The following PARP9 variants were observed in gnomAD, a reference collection of about 807,000 sequenced individuals.
The protein encoded by PARP9 is protein mono-ADP-ribosyltransferase PARP9.
In PARP9, 48 loss-of-function variants were observed where a neutral mutation model predicts 68.8. That is an observed-to-expected ratio of 0.70 (90% confidence interval 0.55 to 0.89). The LOEUF is 0.89. Ranked by LOEUF, PARP9 falls within the 40% of genes least tolerant of loss-of-function variation. PARP9 has a pLI of 0.00. For synonymous variants in PARP9, 309 were observed against 333.8 expected, an observed-to-expected ratio of 0.93 and a Z score of 0.81; for missense variants, 806 against 969.3, an observed-to-expected ratio of 0.83 and a Z score of 2.24.
chr3:122,544,541 G>A (rs898143833), intron 7 of PARP9, among the ~76,000 whole-genome samples: 2 of 152,048 alleles, frequency 1.3e-5, no homozygotes, highest in South Asian at 2.1e-4. Context: ...TCCACTAAAA[G>A]AATGATGTTA....
At position 122,562,303 on chromosome 3, in the gene PARP9, C is replaced by T. The variant is rs535625321; in HGVS notation, c.-90+1942G>A. ...GTTCACGCCATTCTGCTGCCTCAGC[C>T]TCCCTAGTAGCTGGGACTACAGGCG... On this transcript the variant is annotated intron_variant, in intron 1 of 10. Coordinates refer to ENST00000682323, the MANE Select transcript of PARP9 (RefSeq NM_001146105.2). Among the ~76,000 whole-genome samples the T allele has an allele frequency of 8.5e-5, 13 of 152,094 alleles. No individual in the cohort carries two copies. The South Asian group carries it at 2.7e-3, about 32-fold the overall frequency.
At chr3:122,541,838 G>A (rs1172406739) in intron 7 of PARP9, among the ~76,000 whole-genome samples, 1 of 152,186 alleles carries the variant, frequency 6.6e-6, no homozygotes, top group Non-Finnish European at 1.5e-5. Flanking sequence ...TCTGACTCCA[G>A]TGCTCCCACA....
intron 7 of PARP9, among the ~76,000 whole-genome samples, chr3:122,543,287 G>GT (rs199591270): frequency 2.9e-4 from 43 of 148,862 alleles, no homozygotes; most frequent in South Asian, 8.6e-4. Context: ...TTTGTTTTTT[G>GT]TTTTTTTTTG....
rs1333703160 is a variant in PARP9 at position 122,528,699 on chromosome 3, T to G, written c.2125A>C (p.Asn709His). 6.2e-7 allele frequency: 1 copy of G among 1,613,856 alleles called. No individual in the cohort carries two copies. The highest frequency in any genetic ancestry group is 8.5e-7 in the Non-Finnish European group (1 of 1,179,820). Residue 709 changes from asparagine (N) to histidine (H), a missense_variant, in exon 11 of 11, where the codon AAC (asparagine) becomes CAC (histidine). Transcript: ENST00000682323. Reference sequence around the variant, plus strand: ...ATTTTCTTGGCCTTCTCTGCCAGGTTTTTGAGGTTCTTGGTGAAGTATATG... The same window carrying G: ...ATTTTCTTGGCCTTCTCTGCCAGGTGTTTGAGGTTCTTGGTGAAGTATATG... ...AGIYFTKNLK[N>H]LAEKAKKISA...
intron 3 of PARP9, chr3:122,558,197 G>T (rs1559877827): frequency 4.3e-6 from 5 of 1,173,724 alleles, no homozygotes; most frequent in Non-Finnish European, 4.7e-6. Context: ...ATAGGCTGTC[G>T]TTAAAAGAGT....
Position 122,562,156 on chromosome 3 carries a change from CTCTTTTCTTTTCTTTTCTTTTCTTT to C in PARP9, c.-90+2064_-90+2088del, listed in dbSNP as rs11276615. 4.6e-3 allele frequency among the ~76,000 whole-genome samples: 651 copies of C among 141,272 alleles called. 4 individuals are homozygous for C. Among genetic ancestry groups the C allele is most frequent in the African/African-American group, 0.015 (551 of 37,372 alleles). The allele number at this position is 141,272 out of a possible 152,430, so 92.7% of individuals were successfully genotyped here. A position where few individuals can be genotyped will look rare whatever the true frequency, so the allele number is the denominator to read the frequency against. Reference sequence around the variant, plus strand: ...CTTTTGCCTGAGCTGTGGCAATATACTCTTTTCTTTTCTTTTCTTTTCTTTTCTTTTCTTTTCTTTTCTTTTCTTT... The same window carrying C: ...CTTTTGCCTGAGCTGTGGCAATATACTCTTTTCTTTTCTTTTCTTTTCTTT... On this transcript the variant is annotated intron_variant, in intron 1 of 10. Transcript: ENST00000682323.
intron 8 of PARP9, among the ~76,000 whole-genome samples, chr3:122,538,441 C>T (rs1220665485): frequency 3.9e-5 from 6 of 152,152 alleles, no homozygotes; most frequent in Non-Finnish European, 5.9e-5. Context: ...ATAATGATAA[C>T]TCATCTCAAA....
chr3:122,544,220 C>T (rs1364990006), intron 7 of PARP9, among the ~76,000 whole-genome samples: 2 of 152,142 alleles, frequency 1.3e-5, no homozygotes, highest in African/African-American at 2.4e-5. Flanking sequence ...AGCTTAGAAC[C>T]ATCTCATTCA....
chr3:122,552,381 A>G lies in PARP9; in HGVS notation c.1107+37T>C, dbSNP rs752772310. 1.2e-5 allele frequency: 17 copies of G among 1,453,016 alleles called. No homozygotes were observed. The East Asian group carries it at 3.7e-4, about 31-fold the overall frequency. 90.0% of individuals were successfully genotyped at this position (1,453,016 alleles called of 1,614,324 possible). A position where few individuals can be genotyped will look rare whatever the true frequency, so the allele number is the denominator to read the frequency against. The stretch of plus-strand genomic sequence containing the variant: ...TTAAAAAAAAAAGACTGTATAGACT[A>G]TGGAGCTAAATAAAGCCACATTTAT... On this transcript the variant is annotated intron_variant, in intron 5 of 10. Transcript: ENST00000682323.
At chr3:122,533,527 G>T in intron 10 of PARP9, 1 of 294,826 alleles carries the variant, frequency 3.4e-6, no homozygotes, top group Non-Finnish European at 5.0e-6. Flanking sequence ...CATCGTAGAG[G>T]AAAAAAGAGA....
intron 8 of PARP9, among the ~76,000 whole-genome samples, chr3:122,539,509 T>C (rs566361226): frequency 8.4e-4 from 13 of 15,514 alleles, no homozygotes; most frequent in African/African-American, 3.1e-3. Flanking sequence ...AAGATGGCAT[T>C]TCTTTCTTTC....
In PARP9 at chr3:122,533,581, T is replaced by C. The variant is rs78429050; in HGVS notation, c.2080+2587A>G. 0.15 allele frequency: 94,960 copies of C among 645,464 alleles called. 7,544 individuals are homozygous for C. Among genetic ancestry groups the C allele is most frequent in the East Asian group, 0.33 (2,374 of 7,182 alleles). 40.0% of individuals were successfully genotyped at this position (645,464 alleles called of 1,614,324 possible). On this transcript the variant is annotated intron_variant, in intron 10 of 10. Coordinates refer to ENST00000682323, the MANE Select transcript of PARP9 (RefSeq NM_001146105.2). ...ACAGGTGAACTCGTGAGATTATAAA[T>C]TGTAAGGGCAAGAACTCTATGGTTT...
At chr3:122,561,993 C>T (rs1013599279) in intron 1 of PARP9, among the ~76,000 whole-genome samples, 2 of 151,376 alleles carry the variant, frequency 1.3e-5, no homozygotes, top group Non-Finnish European at 2.9e-5. Flanking sequence ...ATACCATTTA[C>T]GTACTCAAAT....
At position 122,536,173 on chromosome 3, in the gene PARP9, G is replaced by A. The variant is rs1198330092; in HGVS notation, c.2075C>T (p.Pro692Leu). The change falls in exon 10 of 11, where the codon CCT (proline) becomes CTT (leucine). Residue 692 changes from proline (P) to leucine (L), a missense_variant. Pro to Leu is a moderately conservative substitution (Grantham distance 98, BLOSUM62 -3). Around this residue, in one of 2 missense-constraint regions of PARP9, gnomAD observed 680 missense variants for 858.8 expected, o/e 0.79. Transcript: ENST00000682323. ...GATGAGGCATTGACACCTACCGCAA[G>A]GTGTCGAGTACATTCTTTGAAAGCC... ...RVGFQRMYST[P>L]CDPKYGAGIY... is the part of the protein sequence containing the mutation. The A allele has an allele frequency of 6.2e-7, 1 of 1,614,100 alleles. No homozygotes were observed. The highest frequency in any genetic ancestry group is 1.7e-5 in the Admixed American group (1 of 60,016).
intron 10 of PARP9, chr3:122,533,957 GGTGTCTC>G (rs2077471762): frequency 1.0e-6 from 1 of 985,334 alleles, no homozygotes; most frequent in Non-Finnish European, 1.2e-6. Flanking sequence ...TAGCAAGATT[GGTGTCTC>G]CTGGGCTTGT....
intron 6 of PARP9, among the ~76,000 whole-genome samples, chr3:122,547,588 C>T (rs1282981450): frequency 6.6e-6 from 1 of 152,030 alleles, no homozygotes; most frequent in Non-Finnish European, 1.5e-5. Context: ...CACGGTGGCT[C>T]ACGTCTGTAA....
intron 10 of PARP9, among the ~76,000 whole-genome samples, chr3:122,529,042 G>A (rs1165002995): frequency 6.6e-6 from 1 of 151,664 alleles, no homozygotes; most frequent in African/African-American, 2.4e-5. Flanking sequence ...GAGGTCAGAA[G>A]CCTGGCCAAC....
At chr3:122,539,507 A>ACTTCTTTCTTTCTTTCTTTCTTTCTTTC (rs1553714536) in intron 8 of PARP9, among the ~76,000 whole-genome samples, 1 of 133,162 alleles carries the variant, frequency 7.5e-6, no homozygotes, top group Admixed American at 7.9e-5. Context: ...CCAAGATGGC[A>ACTTCTTTCTTTCTTTCTTTCTTTCTTTC]TTTCTTTCTT....
intron 1 of PARP9, among the ~76,000 whole-genome samples, chr3:122,560,330 C>T (rs1474826746): frequency 1.3e-5 from 2 of 152,120 alleles, no homozygotes; most frequent in Non-Finnish European, 2.9e-5. Context: ...CTTAAAGATA[C>T]AGTTGCCCAC....
Sources: gnomAD v4.1 joint callset for allele counts (sites outside exome capture counted in the v4.1 genomes callset) on GRCh38, gnomAD v4.1.1 for gene constraint, gnomAD v4.1.1 regional missense constraint, MANE v1.5 for transcripts, NCBI Gene and HGNC (gene_info 2026-07-23, HGNC 2026-07-21) for gene names.